NFYA: variants seen among roughly 807,000 people sequenced by gnomAD.
NFYA encodes nuclear transcription factor Y subunit alpha.
NFYA carries 28 observed loss-of-function variants against 52.8 expected under a neutral mutation model. The observed-to-expected ratio is 0.53, with a 90% CI of 0.39 to 0.73. NFYA has a LOEUF of 0.73. Ranked by LOEUF, NFYA falls within the 30% of genes least tolerant of loss-of-function variation. The probability of loss-of-function intolerance (pLI) is 0.00; values close to 1 mark genes in which losing one functional copy is unlikely to be tolerated. For missense variants in NFYA, 234 were observed against 427.0 expected, an observed-to-expected ratio of 0.55 and a Z score of 3.98; for synonymous variants, 150 against 150.7, an observed-to-expected ratio of 1.00 and a Z score of 0.03.
At chr6:41,096,534 C>A (rs1409391336) in intron 9 of NFYA, among the ~76,000 whole-genome samples, 1 of 152,222 alleles carries the variant, frequency 6.6e-6, no homozygotes, top group Non-Finnish European at 1.5e-5. Flanking sequence ...CTGTGTAGCA[C>A]CATACCTAGT....
chr6:41,091,832 A>T (rs1479920573), intron 7 of NFYA, 138 bp downstream of exon 7: 9 of 933,122 alleles, frequency 9.6e-6, no homozygotes, highest in Non-Finnish European at 1.4e-5. Flanking sequence ...CTTTGACAAT[A>T]ACATTATGAC....
chr6:41,081,943 T>G (rs1329859272), intron 3 of NFYA, among the ~76,000 whole-genome samples: 1 of 152,230 alleles, frequency 6.6e-6, no homozygotes, highest in Non-Finnish European at 1.5e-5. Context: ...GGCCAGTTCC[T>G]ATAAAACACA....
chr6:41,077,142 C>G (rs959152432), intron 1 of NFYA, among the ~76,000 whole-genome samples: 1 of 152,092 alleles, frequency 6.6e-6, no homozygotes, highest in Admixed American at 6.6e-5. Flanking sequence ...AGGAAAAAAT[C>G]TCATATAAGA....
At chr6:41,095,731 CT>C (rs965421485) in intron 9 of NFYA, among the ~76,000 whole-genome samples, 1 of 152,156 alleles carries the variant, frequency 6.6e-6, no homozygotes, top group Non-Finnish European at 1.5e-5. Flanking sequence ...GCACTTGGCC[CT>C]TTTCTTTACA....
intron 9 of NFYA, 31 bp downstream of exon 9, chr6:41,094,528 T>C: frequency 6.4e-7 from 1 of 1,556,074 alleles, no homozygotes; most frequent in African/African-American, 1.4e-5. Context: ...TATTCTTCTC[T>C]TTATTACCTT....
chr6:41,091,848 A>G (rs1764205264), intron 7 of NFYA, among the ~76,000 whole-genome samples, 154 bp downstream of exon 7: 1 of 152,240 alleles, frequency 6.6e-6, no homozygotes, highest in African/African-American at 2.4e-5. Context: ...ATGACAAACC[A>G]TAATTCATTC....
rs1339334922 is a variant in NFYA at position 41,100,988 on chromosome 6, CT to C, written c.*3579del. 1.3e-5 allele frequency: 2 copies of C among 152,416 alleles called. No homozygotes were observed. The highest frequency in any genetic ancestry group is 6.5e-5 in the Admixed American group (1 of 15,310). 9.4% of individuals were successfully genotyped at this position (152,416 alleles called of 1,614,324 possible). A position where few individuals can be genotyped will look rare whatever the true frequency, so the allele number is the denominator to read the frequency against. Reference sequence around the variant, plus strand: ...GCTAGGCGGATTGGCTGCTACGCGGCTGGGCCCTGTTTCCGGTACCTAGGCG... The same window carrying C: ...GCTAGGCGGATTGGCTGCTACGCGGCGGGCCCTGTTTCCGGTACCTAGGCG... On this transcript the variant is annotated 3_prime_UTR_variant, in exon 10 of 10. Transcript: ENST00000341376.
At chr6:41,081,263 G>A (rs985405335) in intron 3 of NFYA, among the ~76,000 whole-genome samples, 1 of 152,206 alleles carries the variant, frequency 6.6e-6, no homozygotes, top group Non-Finnish European at 1.5e-5. Flanking sequence ...GCCGAGGCAG[G>A]CGGATCACGA....
intron 1 of NFYA, among the ~76,000 whole-genome samples, chr6:41,075,993 G>C (rs1392288485): frequency 6.6e-6 from 1 of 152,178 alleles, no homozygotes; most frequent in Non-Finnish European, 1.5e-5. Flanking sequence ...TAGGATGATG[G>C]GGAAGCTGGA....
At chr6:41,086,368 A>T (rs1356717994) in intron 4 of NFYA, among the ~76,000 whole-genome samples, 1 of 152,206 alleles carries the variant, frequency 6.6e-6, no homozygotes, top group Admixed American at 6.5e-5. Context: ...ATTTTGCTAT[A>T]AGGAACCTTC....
rs141362704 is a variant in NFYA, at chr6:41,083,348, A to G, written c.163-698A>G. Among the ~76,000 whole-genome samples the G allele has an allele frequency of 3.1e-4, 47 of 152,310 alleles. No individual in the cohort carries two copies. The East Asian group carries it at 7.3e-3, about 24-fold the overall frequency. ...TGATAAAGCTAAAATAACCATGTGGATATTATAGAGGCCAGTGAGGAATTC... is the reference window on the plus strand; with the variant it reads ...TGATAAAGCTAAAATAACCATGTGGGTATTATAGAGGCCAGTGAGGAATTC... On this transcript the variant is annotated intron_variant, in intron 3 of 9. Coordinates refer to ENST00000341376, the MANE Select transcript of NFYA (RefSeq NM_002505.5).
intron 4 of NFYA, among the ~76,000 whole-genome samples, chr6:41,088,215 G>A (rs1409941481): frequency 2.6e-5 from 4 of 151,796 alleles, no homozygotes; most frequent in Admixed American, 2.0e-4. Context: ...TCAGGAGATC[G>A]AGACCATCCT....
chr6:41,094,414 C>T lies in NFYA; in HGVS notation c.907C>T (p.Arg303Trp). 1 of 1,614,078 alleles carries T rather than the reference C, an allele frequency of 6.2e-7. No individual in the cohort carries two copies. Among genetic ancestry groups the T allele is most frequent in the Non-Finnish European group, 8.5e-7 (1 of 1,179,954 alleles). The stretch of plus-strand genomic sequence containing the variant: ...GTTTTAGAAATACCTGCATGAGTCT[C>T]GGCACCGTCATGCCATGGCACGGAA... ...KERRKYLHESRHRHAMARKRG... is the reference protein window; with the variant it reads ...KERRKYLHESWHRHAMARKRG... Residue 303 changes from arginine to tryptophan, a missense_variant, in exon 9 of 10, where the codon CGG (arginine) becomes TGG (tryptophan). This residue lies in a region of NFYA where 81 missense variants were observed against 210.5 expected (regional missense o/e 0.38). Transcript: ENST00000341376.
Position 41,079,128 on chromosome 6 carries a change from G to A in NFYA, c.39G>A (p.Glu13=). 1.2e-6 allele frequency: 2 copies of A among 1,614,180 alleles called. No individual in the cohort carries two copies. Reference sequence around the variant, plus strand: ...CAGCAAACAGCAATAGTTCGACAGAGCAGATTGTTGTCCAGGCAGGACAGA... The same window carrying A: ...CAGCAAACAGCAATAGTTCGACAGAACAGATTGTTGTCCAGGCAGGACAGA... ...QYTANSNSST[E]QIVVQAGQIQ... Residue 13 remains glutamate, a synonymous_variant, in exon 2 of 10, where the codon GAG becomes GAA. Transcript: ENST00000341376.
chr6:41,093,156 A>C (rs900295552), intron 8 of NFYA, 71 bp downstream of exon 8: 1 of 1,404,166 alleles, frequency 7.1e-7, no homozygotes, highest in Admixed American at 2.0e-5. Flanking sequence ...TATCTTTTAT[A>C]TGGCTTGTTT....
rs1258017435 is a variant in NFYA at position 41,092,967 on chromosome 6, C to T, written c.770C>T (p.Ala257Val). 6.2e-7 allele frequency: 1 copy of T among 1,614,034 alleles called. No individual in the cohort carries two copies. Among genetic ancestry groups the T allele is most frequent in the Non-Finnish European group, 8.5e-7 (1 of 1,179,976 alleles). Reference protein sequence around the residue: ...PAIQRIPLPGAEMLEEEPLYV... With the variant: ...PAIQRIPLPGVEMLEEEPLYV... ...ATCCAAAGAATCCCTCTACCTGGAG[C>T]AGAGATGCTTGAAGAAGAGCCTCTC... The change falls in exon 8 of 10, where the codon GCA (alanine) becomes GTA (valine). Residue 257 changes from alanine to valine, a missense_variant. Ala to Val is a moderately conservative substitution (Grantham distance 64). This residue lies in a region of NFYA where 81 missense variants were observed against 210.5 expected (regional missense o/e 0.38). Transcript: ENST00000341376.
intron 1 of NFYA, among the ~76,000 whole-genome samples, chr6:41,073,889 A>ACCG (rs1763639223): frequency 6.6e-6 from 1 of 151,634 alleles, no homozygotes; most frequent in African/African-American, 2.4e-5. Flanking sequence ...CAGTGGCAGG[A>ACCG]CCGCACACCT....
In NFYA at chr6:41,091,460, A is replaced by T. The variant is rs1725044711; in HGVS notation, c.548-68A>T. 2.0e-6 allele frequency: 3 copies of T among 1,509,004 alleles called. No homozygotes were observed. The Admixed American group carries it at 5.4e-5, about 27-fold the overall frequency. 93.5% of individuals were successfully genotyped at this position (1,509,004 alleles called of 1,614,324 possible). A position where few individuals can be genotyped will look rare whatever the true frequency, so the allele number is the denominator to read the frequency against. ...GTGTATACCAGATAGAAGAGGGACT[A>T]ACTATGTTCCCTTCTTTCTGTTCTG... On this transcript the variant is annotated intron_variant, in intron 6 of 9. Transcript: ENST00000341376.
intron 3 of NFYA, among the ~76,000 whole-genome samples, chr6:41,083,092 TAG>T (rs1561852059): frequency 1.3e-5 from 2 of 152,250 alleles, no homozygotes; most frequent in African/African-American, 4.8e-5. Context: ...CTGTCAAAGA[TAG>T]AGTCTGAAAA....
Sources: gnomAD v4.1 joint callset for allele counts (sites outside exome capture counted in the v4.1 genomes callset) on GRCh38, gnomAD v4.1.1 for gene constraint, gnomAD v4.1.1 regional missense constraint, MANE v1.5 for transcripts, NCBI Gene and HGNC (gene_info 2026-07-23, HGNC 2026-07-21) for gene names.